Variants in FAM107A observed in about 807,000 individuals in gnomAD.
FAM107A encodes the protein family with sequence similarity 107 member A.
In FAM107A, 19 loss-of-function variants were observed where a neutral mutation model predicts 13.7. The ratio of observed to expected loss-of-function variants is 1.38; its 90% confidence interval spans 0.97 to 2.03. The LOEUF is 2.03. Among genes scored for constraint, FAM107A ranks in the 30% most tolerant of loss-of-function variants. FAM107A has a pLI of 0.00. For missense variants in FAM107A, 203 were observed against 184.4 expected, an observed-to-expected ratio of 1.10 and a Z score of -0.58; for synonymous variants, 82 against 74.5, an observed-to-expected ratio of 1.10 and a Z score of -0.52.
At chr3:58,598,950 C>CT (rs1028232844) in intron 1 of FAM107A, among the ~76,000 whole-genome samples, 3 of 151,106 alleles carry the variant, frequency 2.0e-5, no homozygotes, top group South Asian at 2.1e-4. Context: ...TTTTCTTTTT[C>CT]TTTTTTTTGA....
chr3:58,611,022 C>G (rs1284058570), intron 1 of FAM107A, among the ~76,000 whole-genome samples: 1 of 152,206 alleles, frequency 6.6e-6, no homozygotes, highest in African/African-American at 2.4e-5. Context: ...TGAGTTCTCA[C>G]GAGATCTGAG....
In FAM107A at chr3:58,617,427, C is replaced by A. The variant is rs572798862; in HGVS notation, c.-70+9989G>T. Among the ~76,000 whole-genome samples, 1 of 152,224 alleles carries A rather than the reference C, an allele frequency of 6.6e-6. No individual in the cohort carries two copies. The highest frequency in any genetic ancestry group is 2.1e-4 in the South Asian group (1 of 4,818). ...GAGCTTCCTGAGGAGCCGGATGTCA[C>A]CTAGACCAAGCCAGGCTCTTCCAGC... On this transcript the variant is annotated intron_variant, in intron 1 of 3. Coordinates refer to the FAM107A transcript ENST00000465970. The surrounding 1 kb of genome is among the most constrained non-coding windows in gnomAD (Gnocchi z 4.5).
chr3:58,587,031 C>T, exon 1 of FAM107A: 4 of 1,367,332 alleles, frequency 2.9e-6, no homozygotes, highest in East Asian at 3.1e-5. Flanking sequence ...GCGACGGTGA[C>T]GCGGCCCCAA....
At chr3:58,620,252 C>G (rs560863433) in intron 1 of FAM107A, among the ~76,000 whole-genome samples, 1 of 152,126 alleles carries the variant, frequency 6.6e-6, no homozygotes, top group African/African-American at 2.4e-5. Flanking sequence ...TGCCCTAGTC[C>G]GGGGAAGTGG....
chr3:58,587,996 C>T (rs1211864788), upstream of FAM107A, among the ~76,000 whole-genome samples: 3 of 152,082 alleles, frequency 2.0e-5, no homozygotes, highest in African/African-American at 4.8e-5. Flanking sequence ...GATACATGAA[C>T]GCAGGTGGTC....
At chr3:58,603,096 A>G (rs2065765953) in intron 1 of FAM107A, among the ~76,000 whole-genome samples, 1 of 152,182 alleles carries the variant, frequency 6.6e-6, no homozygotes, top group Non-Finnish European at 1.5e-5. Context: ...CCTGTGTTTT[A>G]TAATTAGAGA....
At chr3:58,602,892 G>A (rs148104031) in intron 1 of FAM107A, among the ~76,000 whole-genome samples, 4 of 152,052 alleles carry the variant, frequency 2.6e-5, no homozygotes, top group African/African-American at 9.7e-5. Context: ...GTTTGTGGGT[G>A]TAGATATGTG....
chr3:58,587,006 A>T (rs1028532803), exon 1 of FAM107A: 4 of 1,419,142 alleles, frequency 2.8e-6, no homozygotes, highest in Non-Finnish European at 3.7e-6. Context: ...CGTAGTCCGG[A>T]GCCGAAGCGC....
At chr3:58,598,701 A>G (rs1468568605) in intron 1 of FAM107A, among the ~76,000 whole-genome samples, 2 of 152,090 alleles carry the variant, frequency 1.3e-5, no homozygotes, top group African/African-American at 2.4e-5. Context: ...CCATGCCCCA[A>G]TCTCACCCCT....
At chr3:58,606,714 G>A (rs916244920) in intron 1 of FAM107A, among the ~76,000 whole-genome samples, 15 of 152,196 alleles carry the variant, frequency 9.9e-5, no homozygotes, top group African/African-American at 3.1e-4. Flanking sequence ...GAAAATGTTG[G>A]ACCACAGAGT....
At chr3:58,573,255 G>A (rs953753706) in intron 1 of FAM107A, among the ~76,000 whole-genome samples, 2 of 152,234 alleles carry the variant, frequency 1.3e-5, no homozygotes, top group African/African-American at 4.8e-5. Flanking sequence ...TATGAGGGGT[G>A]GGGTGAGGAG....
chr3:58,568,177 G>A (rs1369729472), intron 2 of FAM107A, among the ~76,000 whole-genome samples: 4 of 151,458 alleles, frequency 2.6e-5, no homozygotes, highest in African/African-American at 7.3e-5. Context: ...GCTCACGCCT[G>A]TAATCCCAGC....
At chr3:58,592,645 G>A (rs757854058) in intron 1 of FAM107A, among the ~76,000 whole-genome samples, 2 of 152,220 alleles carry the variant, frequency 1.3e-5, no homozygotes, top group Non-Finnish European at 2.9e-5. Flanking sequence ...GTATTCAGTG[G>A]AAACTTCATA....
At chr3:58,596,570 T>C (rs2065709482) in intron 1 of FAM107A, among the ~76,000 whole-genome samples, 1 of 151,582 alleles carries the variant, frequency 6.6e-6, no homozygotes, top group South Asian at 2.1e-4. Flanking sequence ...TCCCAGCTAC[T>C]AGAGAGGCTG....
upstream of FAM107A, among the ~76,000 whole-genome samples, chr3:58,588,023 C>T (rs936012010): frequency 2.0e-5 from 3 of 152,146 alleles, no homozygotes; most frequent in Middle Eastern, 3.2e-3. Context: ...CAGACCTTGG[C>T]CACCTGCTCT....
intron 1 of FAM107A, among the ~76,000 whole-genome samples, chr3:58,601,920 G>A (rs1332156061): frequency 6.6e-6 from 1 of 152,156 alleles, no homozygotes; most frequent in African/African-American, 2.4e-5. Flanking sequence ...AACGTGGATG[G>A]GGCCGGGAGA....
At chr3:58,570,427 AT>A in intron 1 of FAM107A, 3 of 961,008 alleles carry the variant, frequency 3.1e-6, no homozygotes, top group Non-Finnish European at 3.7e-6. Context: ...TGTGTCCCTA[AT>A]AGCAAAGGGA....
At chr3:58,585,527 C>T (rs975839792) in intron 1 of FAM107A, among the ~76,000 whole-genome samples, 5 of 152,236 alleles carry the variant, frequency 3.3e-5, no homozygotes, top group Non-Finnish European at 7.3e-5. Flanking sequence ...CCAGAGCGGG[C>T]CGCGCGGGGC....
chr3:58,616,075 A>G (rs2065898618), intron 1 of FAM107A, among the ~76,000 whole-genome samples: 2 of 152,084 alleles, frequency 1.3e-5, no homozygotes, highest in Non-Finnish European at 2.9e-5. Context: ...TGTATGGAGT[A>G]GGGAGCCCAG....
Sources: allele counts gnomAD v4.1 joint callset (sites outside exome capture counted in the v4.1 genomes callset), GRCh38; gene constraint gnomAD v4.1.1; non-coding constraint Gnocchi (gnomAD v3.1); transcripts MANE v1.5; gene names NCBI Gene and HGNC (gene_info 2026-07-23, HGNC 2026-07-21).